DLGAP2: variants seen among roughly 807,000 people sequenced by gnomAD.
DLGAP2 encodes disks large-associated protein 2.
A neutral mutation model predicts 100.3 loss-of-function variants in DLGAP2; 26 were observed. That is an observed-to-expected ratio of 0.26 (90% CI 0.19 to 0.36). DLGAP2 has a LOEUF of 0.36. Among genes scored for constraint, DLGAP2 ranks in the 10% least tolerant of loss-of-function variants. The pLI, the probability that DLGAP2 is intolerant of heterozygous loss-of-function variation, is 1.00. For synonymous variants in DLGAP2, 886 were observed against 630.1 expected (o/e 1.41, Z -6.08); for missense variants, 1,858 against 1,453.2 (o/e 1.28, Z -4.53).
intron 1 of DLGAP2, among the ~76,000 whole-genome samples, chr8:790,252 A>G (rs1258379539): frequency 6.6e-6 from 1 of 152,198 alleles, no homozygotes; most frequent in Non-Finnish European, 1.5e-5. Context: ...AGGCTGGACA[A>G]GCACCATGCA....
chr8:1,146,653 A>G (rs922379844), intron 2 of DLGAP2, among the ~76,000 whole-genome samples: 6 of 152,040 alleles, frequency 3.9e-5, no homozygotes, highest in Admixed American at 6.6e-5. Flanking sequence ...GAGTGTGTGC[A>G]TGCACGTGTG....
chr8:1,142,760 G>T (rs1796543466), intron 2 of DLGAP2, among the ~76,000 whole-genome samples: 1 of 152,154 alleles, frequency 6.6e-6, no homozygotes, highest in African/African-American at 2.4e-5. Flanking sequence ...GGCATGGGGA[G>T]GGTGAGGGGA....
intron 2 of DLGAP2, among the ~76,000 whole-genome samples, chr8:1,024,411 C>T (rs960160046): frequency 2.0e-5 from 3 of 151,686 alleles, no homozygotes; most frequent in Non-Finnish European, 4.4e-5. Context: ...TGGACAGTCC[C>T]GTGCCGAGGC....
At chr8:1,371,962 A>AAG (rs749090957) in intron 3 of DLGAP2, among the ~76,000 whole-genome samples, 12 of 152,242 alleles carry the variant, frequency 7.9e-5, no homozygotes, top group Non-Finnish European at 1.6e-4. Context: ...GAGAACAGAA[A>AAG]AGAGTTTCTT....
intron 3 of DLGAP2, among the ~76,000 whole-genome samples, chr8:1,487,296 G>A (rs1799256961): frequency 6.6e-6 from 1 of 152,170 alleles, no homozygotes; most frequent in African/African-American, 2.4e-5. Flanking sequence ...TAGGCCTGGG[G>A]ATATAGATCA....
intron 2 of DLGAP2, among the ~76,000 whole-genome samples, chr8:1,036,734 G>A (rs1802136838): frequency 6.6e-6 from 1 of 152,178 alleles, no homozygotes; most frequent in Non-Finnish European, 1.5e-5. Flanking sequence ...GCTCCCAGCT[G>A]TAGCGGAGCG....
rs147860078 is a variant in DLGAP2, at chr8:1,255,486, G to GTT, written c.74-3364_74-3363insTT. ...TCTTGCCTGGGTGCTGTGTGTGTGTGTCCTCATCTTGCCCGGGCGCTGTGT... is the reference window on the plus strand; with the variant it reads ...TCTTGCCTGGGTGCTGTGTGTGTGTGTTTCCTCATCTTGCCCGGGCGCTGTGT... On this transcript the variant is annotated intron_variant, in intron 2 of 14. Transcript: ENST00000637795. Among the ~76,000 whole-genome samples, 476 of 90,200 alleles carry GTT rather than the reference G, an allele frequency of 5.3e-3. 1 individual carries two copies. Among genetic ancestry groups the GTT allele is most frequent in the African/African-American group, 0.018 (325 of 17,800 alleles). 59.2% of individuals were successfully genotyped at this position (90,200 alleles called of 152,430 possible). A position where few individuals can be genotyped will look rare whatever the true frequency, so the allele number is the denominator to read the frequency against.
At chr8:1,080,769 A>G (rs906509384) in intron 2 of DLGAP2, among the ~76,000 whole-genome samples, 1 of 152,164 alleles carries the variant, frequency 6.6e-6, no homozygotes, top group African/African-American at 2.4e-5. Flanking sequence ...GCACTAATAT[A>G]TTTAAATCCT....
intron 2 of DLGAP2, among the ~76,000 whole-genome samples, chr8:1,059,743 G>C (rs781209924): frequency 1.3e-5 from 2 of 152,170 alleles, no homozygotes; most frequent in Non-Finnish European, 2.9e-5. Flanking sequence ...TGAGGCAGGT[G>C]AGGGAATTCC....
chr8:1,371,243 C>A (rs1246620678), intron 3 of DLGAP2, among the ~76,000 whole-genome samples: 4 of 152,364 alleles, frequency 2.6e-5, no homozygotes, highest in South Asian at 2.1e-4. Context: ...TTGAGGGGAA[C>A]TAAACGGATG....
chr8:842,433 C>T (rs1268971037), intron 1 of DLGAP2, among the ~76,000 whole-genome samples: 3 of 152,210 alleles, frequency 2.0e-5, no homozygotes, highest in Non-Finnish European at 4.4e-5. Context: ...GTGCTTGAAT[C>T]TGTTTCCCTT....
At chr8:758,937 C>T (rs991939950) in intron 1 of DLGAP2, among the ~76,000 whole-genome samples, 13 of 149,014 alleles carry the variant, frequency 8.7e-5, no homozygotes, top group South Asian at 4.3e-4. Context: ...CTAACCACTA[C>T]CCTCCCCAAC....
Position 1,241,225 on chromosome 8 carries a change from C to T in DLGAP2, c.74-17626C>T, listed in dbSNP as rs183941165. Among the ~76,000 whole-genome samples the T allele has an allele frequency of 2.1e-3, 311 of 145,940 alleles. 9 individuals carry two copies. Among genetic ancestry groups the T allele is most frequent in the East Asian group, 0.011 (53 of 4,840 alleles). Reference sequence around the variant, plus strand: ...AGCCATGTCTAATTCTCTCACATGGCGCCGTGTCTAGTTCTGTCACATGGA... The same window carrying T: ...AGCCATGTCTAATTCTCTCACATGGTGCCGTGTCTAGTTCTGTCACATGGA... On this transcript the variant is annotated intron_variant, in intron 2 of 14. Transcript: ENST00000637795.
chr8:1,023,005 A>G (rs966953274), intron 2 of DLGAP2, among the ~76,000 whole-genome samples: 1 of 152,200 alleles, frequency 6.6e-6, no homozygotes, highest in Non-Finnish European at 1.5e-5. Context: ...TTAAACTCGC[A>G]TGTATCTTTG....
intron 3 of DLGAP2, among the ~76,000 whole-genome samples, chr8:1,467,781 C>G (rs922489003): frequency 2.0e-5 from 3 of 152,198 alleles, no homozygotes; most frequent in Non-Finnish European, 4.4e-5. Flanking sequence ...CCGTGGTTCT[C>G]AAACTGTGTC....
rs1475210670 is a variant in DLGAP2 at position 1,379,402 on chromosome 8, G to A, written c.106+120519G>A. Among the ~76,000 whole-genome samples, 6 of 152,246 alleles carry A rather than the reference G, an allele frequency of 3.9e-5. No individual in the cohort carries two copies. The East Asian group carries it at 7.7e-4, about 20-fold the overall frequency. On this transcript the variant is annotated intron_variant, in intron 3 of 14. Coordinates refer to ENST00000637795, the MANE Select transcript of DLGAP2 (RefSeq NM_001346810.2). ...CGCCGACATCCCTTATCTAGGAGGT[G>A]GAGAAACGGGCAGGGAGACTAAATA...
At chr8:1,564,837 C>T (rs1428981765) in intron 5 of DLGAP2, among the ~76,000 whole-genome samples, 5 of 152,040 alleles carry the variant, frequency 3.3e-5, no homozygotes, top group African/African-American at 1.2e-4. Flanking sequence ...ATTGCATGCA[C>T]AGGCAGGTGC....
intron 1 of DLGAP2, among the ~76,000 whole-genome samples, chr8:862,300 T>G (rs1023061289): frequency 7.1e-6 from 1 of 140,778 alleles, no homozygotes; most frequent in Non-Finnish European, 1.6e-5. Context: ...TGGACTCCAG[T>G]TTTTTTTTTT....
chr8:1,223,107 G>A (rs555016136), intron 2 of DLGAP2, among the ~76,000 whole-genome samples: 4 of 152,256 alleles, frequency 2.6e-5, no homozygotes, highest in African/African-American at 7.2e-5. Context: ...AGGTGGGATC[G>A]GGGAGATCCA....
Sources: gnomAD v4.1 joint callset for allele counts (sites outside exome capture counted in the v4.1 genomes callset) on GRCh38, gnomAD v4.1.1 for gene constraint, MANE v1.5 for transcripts, NCBI Gene and HGNC (gene_info 2026-07-23, HGNC 2026-07-21) for gene names.